Variants in PLCB1 observed in about 807,000 individuals in gnomAD.
The protein encoded by PLCB1 is 1-phosphatidylinositol 4,5-bisphosphate phosphodiesterase beta-1.
In PLCB1, 46 loss-of-function variants were observed where a neutral mutation model predicts 161.8. The ratio of observed to expected loss-of-function variants is 0.28; its 90% confidence interval spans 0.22 to 0.36. The LOEUF is 0.36. PLCB1 is among the 10% of genes least tolerant of loss of function. The pLI, the probability that PLCB1 is intolerant of heterozygous loss-of-function variation, is 1.00. For synonymous variants in PLCB1, 517 were observed against 503.7 expected, an observed-to-expected ratio of 1.03 and a Z score of -0.35; for missense variants, 1,016 against 1,472.5, an observed-to-expected ratio of 0.69 and a Z score of 5.07.
chr20:8,310,372 A>G (rs1984343059), intron 2 of PLCB1, among the ~76,000 whole-genome samples: 2 of 152,222 alleles, frequency 1.3e-5, no homozygotes, highest in Admixed American at 6.5e-5. Context: ...TCCCAAGCTT[A>G]TGGATCAATC....
intron 11 of PLCB1, among the ~76,000 whole-genome samples, chr20:8,704,080 G>T (rs1021024573): frequency 1.3e-5 from 2 of 152,162 alleles, no homozygotes; most frequent in East Asian, 1.9e-4. Flanking sequence ...ATGGCCAGGC[G>T]CAGTGGCTCA....
At chr20:8,392,931 A>G (rs1987655126) in intron 3 of PLCB1, among the ~76,000 whole-genome samples, 1 of 152,224 alleles carries the variant, frequency 6.6e-6, no homozygotes, top group Non-Finnish European at 1.5e-5. Flanking sequence ...CAATTAAGAT[A>G]GTAACATATT....
At chr20:8,792,745 T>A (rs1983825500) in intron 31 of PLCB1, 9 of 409,648 alleles carry the variant, frequency 2.2e-5, no homozygotes, top group South Asian at 1.7e-4. Flanking sequence ...ACGTTGTGCC[T>A]TAAAGCTGTG....
chr20:8,373,058 T>A (rs1176303186), intron 3 of PLCB1, among the ~76,000 whole-genome samples: 1 of 152,160 alleles, frequency 6.6e-6, no homozygotes, highest in Non-Finnish European at 1.5e-5. Context: ...TACTGAACAG[T>A]GACAAATGAA....
At position 8,236,231 on chromosome 20, in the gene PLCB1, T is replaced by C. The variant is rs1177685968; in HGVS notation, c.177+85860T>C. Among the ~76,000 whole-genome samples, 6 of 152,038 alleles carry C rather than the reference T, an allele frequency of 3.9e-5. No homozygotes were observed. The East Asian group carries it at 7.7e-4, about 20-fold the overall frequency. ...CAGAATAGAAAGTTCATAAATACAC[T>C]AATTACTATAAAAAATAACACAGGC... On this transcript the variant is annotated intron_variant, in intron 2 of 31. Coordinates refer to ENST00000338037, the MANE Select transcript of PLCB1 (RefSeq NM_015192.4).
At chr20:8,169,552 G>A (rs1283102754) in intron 2 of PLCB1, among the ~76,000 whole-genome samples, 1 of 151,988 alleles carries the variant, frequency 6.6e-6, no homozygotes, top group Admixed American at 6.6e-5. Flanking sequence ...ACAGGTATTC[G>A]GATACTTCTG....
At chr20:8,649,543 G>A in intron 7 of PLCB1, 94 bp downstream of exon 7, 2 of 851,188 alleles carry the variant, frequency 2.3e-6, no homozygotes, top group South Asian at 1.4e-5. Context: ...TGAGAGGTAG[G>A]GCCTTTAAGA....
At chr20:8,802,162 C>T (rs1312412169) in intron 31 of PLCB1, 1 of 1,598,560 alleles carries the variant, frequency 6.3e-7, no homozygotes, top group Non-Finnish European at 8.6e-7. Flanking sequence ...TGACCACCGT[C>T]CTTCCGGCCA....
chr20:8,178,349 G>A (rs1210358638), intron 2 of PLCB1, among the ~76,000 whole-genome samples: 1 of 152,038 alleles, frequency 6.6e-6, no homozygotes, highest in Non-Finnish European at 1.5e-5. Context: ...TGACTGGTGT[G>A]AGATGGTGTC....
chr20:8,469,993 C>G (rs1159170379), intron 3 of PLCB1, among the ~76,000 whole-genome samples: 1 of 152,150 alleles, frequency 6.6e-6, no homozygotes, highest in Non-Finnish European at 1.5e-5. Flanking sequence ...ATGGATTTGT[C>G]TCTTCCAGAC....
intron 3 of PLCB1, among the ~76,000 whole-genome samples, chr20:8,539,630 TTC>T (rs1491343749): frequency 4.8e-5 from 3 of 62,952 alleles, no homozygotes; most frequent in Admixed American, 2.0e-4. Context: ...CTTTCTTTCT[TTC>T]TTTCTTTCTT....
chr20:8,158,067 C>A (rs2051581113), intron 2 of PLCB1, among the ~76,000 whole-genome samples: 1 of 152,140 alleles, frequency 6.6e-6, no homozygotes, highest in African/African-American at 2.4e-5. Context: ...TGCTATGAAG[C>A]TATTATAATG....
intron 31 of PLCB1, among the ~76,000 whole-genome samples, chr20:8,806,302 G>A (rs1984534255): frequency 6.6e-6 from 1 of 151,926 alleles, no homozygotes; most frequent in Non-Finnish European, 1.5e-5. Context: ...AGAAGGAAAG[G>A]GAGACACCTG....
chr20:8,384,846 C>T lies in PLCB1; in HGVS notation c.246+13396C>T, dbSNP rs138963433. ...AGGCCCTATTCATCTGGTTTGCTCTCGCACCAGGAGATGTCACTCAAGGAG... is the reference window on the plus strand; with the variant it reads ...AGGCCCTATTCATCTGGTTTGCTCTTGCACCAGGAGATGTCACTCAAGGAG... On this transcript the variant is annotated intron_variant, in intron 3 of 31. Transcript: ENST00000338037. Among the ~76,000 whole-genome samples, 8 of 152,180 alleles carry T rather than the reference C, an allele frequency of 5.3e-5. No individual in the cohort carries two copies. The East Asian group carries it at 1.2e-3, about 22-fold the overall frequency.
chr20:8,199,027 A>T (rs60001673), intron 2 of PLCB1, among the ~76,000 whole-genome samples: 2,754 of 151,700 alleles, frequency 0.018, 104 homozygotes, highest in African/African-American at 0.063. Context: ...AACATTAAAA[A>T]TTTTTTTTCT....
intron 1 of PLCB1, among the ~76,000 whole-genome samples, chr20:8,145,206 G>T (rs894698231): frequency 6.6e-6 from 1 of 152,122 alleles, no homozygotes; most frequent in African/African-American, 2.4e-5. Flanking sequence ...CAGGCCTCTC[G>T]TCTTGGCTGG....
intron 2 of PLCB1, among the ~76,000 whole-genome samples, chr20:8,358,766 G>A (rs1191628643): frequency 6.6e-6 from 1 of 152,024 alleles, no homozygotes; most frequent in Non-Finnish European, 1.5e-5. Flanking sequence ...CAATATGTTT[G>A]GATTCTCTGC....
At chr20:8,746,274 AC>A (rs1463855925) in intron 23 of PLCB1, among the ~76,000 whole-genome samples, 3 of 152,180 alleles carry the variant, frequency 2.0e-5, no homozygotes, top group Non-Finnish European at 2.9e-5. Flanking sequence ...TGTTTTACAG[AC>A]CAAATAATGT....
intron 3 of PLCB1, among the ~76,000 whole-genome samples, chr20:8,561,922 A>G (rs1175532924): frequency 6.6e-6 from 1 of 152,050 alleles, no homozygotes; most frequent in African/African-American, 2.4e-5. Flanking sequence ...ACCTAAAATT[A>G]TAGAGCTAGG....
Sources: allele counts gnomAD v4.1 joint callset (sites outside exome capture counted in the v4.1 genomes callset), GRCh38; gene constraint gnomAD v4.1.1; transcripts MANE v1.5; gene names NCBI Gene and HGNC (gene_info 2026-07-23, HGNC 2026-07-21).